ABCB5: variants seen among roughly 807,000 people sequenced by gnomAD.
The protein encoded by ABCB5 is ATP binding cassette subfamily B member 5, also known as ATP-binding cassette sub-family B member 5.
A neutral mutation model predicts 144.2 loss-of-function variants in ABCB5; 155 were observed. The ratio of observed to expected loss-of-function variants is 1.08; its 90% CI spans 0.94 to 1.23. ABCB5 has a LOEUF of 1.23. Ranked by LOEUF, ABCB5 falls within the 50% of genes most tolerant of loss-of-function variation. The pLI, the probability that ABCB5 is intolerant of heterozygous loss-of-function variation, is 0.00. For synonymous variants in ABCB5, 610 were observed against 528.6 expected, an observed-to-expected ratio of 1.15 and a Z score of -2.11; for missense variants, 1,830 against 1,520.8, an observed-to-expected ratio of 1.20 and a Z score of -3.38.
intron 1 of ABCB5, among the ~76,000 whole-genome samples, chr7:20,617,250 TA>T (rs1238124267): frequency 6.6e-6 from 1 of 152,178 alleles, no homozygotes; most frequent in African/African-American, 2.4e-5. Flanking sequence ...TAAATTTTTT[TA>T]AAAAATCATC....
intron 1 of ABCB5, among the ~76,000 whole-genome samples, chr7:20,618,759 A>ATTTTTTT (rs1387081530): frequency 4.4e-5 from 2 of 45,284 alleles, no homozygotes; most frequent in Non-Finnish European, 9.6e-5. Context: ...TATGTGCTGC[A>ATTTTTTT]TTTTCTTTTT....
rs1042404193 is a variant in ABCB5 at position 20,755,656 on chromosome 7, G to A, written c.*32G>A. On this transcript the variant is annotated 3_prime_UTR_variant, in exon 28 of 28. Coordinates refer to ENST00000404938, the MANE Select transcript of ABCB5 (RefSeq NM_001163941.2). ...TGAGGTAGCACATATTTTGATGTTC[G>A]TGTAATGCAAAGAAGGAGTACTTAA... 3.8e-6 allele frequency: 6 copies of A among 1,598,812 alleles called. No homozygotes were observed. Among genetic ancestry groups the A allele is most frequent in the South Asian group, 2.2e-5 (2 of 90,438 alleles).
intron 26 of ABCB5, among the ~76,000 whole-genome samples, chr7:20,752,820 T>C (rs1200206249): frequency 6.6e-6 from 1 of 152,152 alleles, no homozygotes; most frequent in Non-Finnish European, 1.5e-5. Flanking sequence ...CACTCTAGAC[T>C]GGGTAACAGA....
Position 20,681,508 on chromosome 7 carries a change from A to G in ABCB5, c.1711A>G (p.Ser571Gly). Residue 571 changes from serine to glycine, a missense_variant, in exon 15 of 28, where the codon AGC (serine) becomes GGC (glycine). Physicochemically the swap from Ser to Gly is moderately conservative, Grantham distance 56 (BLOSUM62 0). Transcript: ENST00000404938. ...SAVQAALEKA[S>G]KGRTTIVVAH... ...TTCTATGCATTTTATTCTGTAGGCG[A>G]GCAAAGGTCGGACTACAATCGTGGT... 5 of 1,614,076 alleles carry G rather than the reference A, an allele frequency of 3.1e-6. No individual in the cohort carries two copies. Among genetic ancestry groups the G allele is most frequent in the Non-Finnish European group, 4.2e-6 (5 of 1,179,974 alleles).
At position 20,628,739 on chromosome 7, in the gene ABCB5, G is replaced by C. The variant is rs1349210933; in HGVS notation, c.160G>C (p.Ala54Pro). Residue 54 changes from alanine (A) to proline (P), a missense_variant, in exon 4 of 28, where the codon GCA becomes CCA. Transcript: ENST00000404938. The part of the protein sequence containing the change: ...DITLMILGIL[A>P]SLVNGACLPL... ...CACACTCATGATCCTGGGTATACTG[G>C]CATCACTGGTCAATGGAGCCTGCCT... is the stretch of plus-strand genomic sequence containing the variant. 2 of 1,613,568 alleles carry C rather than the reference G, an allele frequency of 1.2e-6. No individual in the cohort carries two copies. The highest frequency in any genetic ancestry group is 1.7e-6 in the Non-Finnish European group (2 of 1,179,794).
At chr7:20,663,713 CTTTTT>C (rs34871735) in intron 14 of ABCB5, among the ~76,000 whole-genome samples, 5 of 107,526 alleles carry the variant, frequency 4.7e-5, no homozygotes, top group African/African-American at 1.1e-4. Flanking sequence ...TTATGTTAGG[CTTTTT>C]TTTTTTTTTT....
intron 1 of ABCB5, among the ~76,000 whole-genome samples, chr7:20,621,030 G>A (rs561496078): frequency 2.0e-5 from 3 of 152,172 alleles, no homozygotes; most frequent in South Asian, 4.1e-4. Context: ...TTAAAAAAAT[G>A]TACTATATAT....
intron 16 of ABCB5, among the ~76,000 whole-genome samples, chr7:20,690,590 A>G (rs1486767844): frequency 6.6e-6 from 1 of 152,180 alleles, no homozygotes; most frequent in East Asian, 1.9e-4. Context: ...TTTGGAGAAC[A>G]GTGTGTGGGG....
chr7:20,651,727 G>A, intron 13 of ABCB5, 104 bp downstream of exon 13: 1 of 1,244,828 alleles, frequency 8.0e-7, no homozygotes, highest in Non-Finnish European at 1.1e-6. Flanking sequence ...GTAGGGGTGT[G>A]ATTAAATTCT....
At chr7:20,633,949 T>A (rs771180316) in intron 5 of ABCB5, among the ~76,000 whole-genome samples, 6 of 152,078 alleles carry the variant, frequency 3.9e-5, no homozygotes, top group Non-Finnish European at 7.4e-5. Context: ...AAGTCTGGGC[T>A]TTTTGTGTAG....
intron 23 of ABCB5, among the ~76,000 whole-genome samples, chr7:20,731,355 G>GGAAAAAAAAAA (rs1197620641): frequency 7.8e-6 from 1 of 127,874 alleles, no homozygotes; most frequent in African/African-American, 3.0e-5. Context: ...TCCAACTCAG[G>GGAAAAAAAAAA]AAAAAAAAAA....
At chr7:20,700,845 G>T (rs1434852189) in intron 19 of ABCB5, among the ~76,000 whole-genome samples, 2 of 152,138 alleles carry the variant, frequency 1.3e-5, no homozygotes, top group Non-Finnish European at 2.9e-5. Flanking sequence ...TGTCACAAAA[G>T]CTCACCAGGC....
intron 14 of ABCB5, among the ~76,000 whole-genome samples, chr7:20,669,288 G>A (rs1388700928): frequency 1.4e-5 from 2 of 146,386 alleles, no homozygotes; most frequent in Non-Finnish European, 3.0e-5. Flanking sequence ...ATAGAAAGGC[G>A]GGAAGGGTGG....
At chr7:20,692,951 T>A (rs1032426251) in intron 16 of ABCB5, among the ~76,000 whole-genome samples, 1 of 152,294 alleles carries the variant, frequency 6.6e-6, no homozygotes, top group East Asian at 1.9e-4. Context: ...TTCTACTAAA[T>A]CTTAGTAGAA....
chr7:20,622,653 T>A (rs1437869183), intron 1 of ABCB5, among the ~76,000 whole-genome samples: 2 of 152,132 alleles, frequency 1.3e-5, no homozygotes, highest in African/African-American at 4.8e-5. Context: ...ATTTATAATT[T>A]ATGAACATAA....
At chr7:20,752,133 A>G (rs571774828) in intron 26 of ABCB5, among the ~76,000 whole-genome samples, 8 of 152,360 alleles carry the variant, frequency 5.3e-5, no homozygotes, top group Admixed American at 5.2e-4. Context: ...ATGAACAGCT[A>G]GGAATCACAA....
chr7:20,705,770 A>T (rs1264318124), intron 20 of ABCB5, among the ~76,000 whole-genome samples: 2 of 151,678 alleles, frequency 1.3e-5, no homozygotes, highest in African/African-American at 4.8e-5. Flanking sequence ...TCTTTTAGAG[A>T]TTATTTCCAC....
intron 14 of ABCB5, among the ~76,000 whole-genome samples, chr7:20,663,713 C>CTT (rs34871735): frequency 5.9e-4 from 63 of 107,506 alleles, no homozygotes; most frequent in South Asian, 9.6e-4. Flanking sequence ...TTATGTTAGG[C>CTT]TTTTTTTTTT....
At chr7:20,748,427 A>G (rs1444178650) in intron 26 of ABCB5, among the ~76,000 whole-genome samples, 1 of 130,774 alleles carries the variant, frequency 7.6e-6, no homozygotes, top group East Asian at 2.1e-4. Flanking sequence ...AGGAGGGTGG[A>G]TTACCTATGG....
Sources: allele counts gnomAD v4.1 joint callset (sites outside exome capture counted in the v4.1 genomes callset), GRCh38; gene constraint gnomAD v4.1.1; transcripts MANE v1.5; gene names NCBI Gene and HGNC (gene_info 2026-07-23, HGNC 2026-07-21).